Variants in ARID1A observed in about 807,000 individuals in gnomAD.
The protein encoded by ARID1A is AT-rich interaction domain 1A.
A neutral mutation model predicts 212.6 loss-of-function variants in ARID1A; 20 were observed. The observed-to-expected ratio is 0.09, with a 90% CI of 0.07 to 0.14. ARID1A has a LOEUF of 0.14. Among genes scored for constraint, ARID1A ranks in the 10% least tolerant of loss-of-function variants. ARID1A has a pLI of 1.00. For synonymous variants in ARID1A, 1,376 were observed against 1,222.1 expected, an observed-to-expected ratio of 1.13 and a Z score of -2.63; for missense variants, 2,587 against 3,059.0, an observed-to-expected ratio of 0.85 and a Z score of 3.64.
Position 26,696,136 on chromosome 1 carries a change from G to A in ARID1A, c.-268G>A. ...GGGGGGAATGAGCCGGGAGAGCCGG[G>A]TCCCGAGCCTACAGAGCCGGGAGCA... On this transcript the variant is annotated 5_prime_UTR_variant, in exon 1 of 20. Transcript: ENST00000324856. 2.1e-6 allele frequency: 1 copy of A among 484,150 alleles called. No individual in the cohort carries two copies. Among genetic ancestry groups the A allele is most frequent in the Non-Finnish European group, 2.9e-6 (1 of 339,954 alleles). 30.0% of individuals were successfully genotyped at this position (484,150 alleles called of 1,614,324 possible).
In ARID1A at chr1:26,780,187, G is replaced by C. The variant is rs1570622770; in HGVS notation, c.6289G>C (p.Ala2097Pro). The C allele has an allele frequency of 6.2e-7, 1 of 1,614,152 alleles. No individual in the cohort carries two copies. The highest frequency in any genetic ancestry group is 8.5e-7 in the Non-Finnish European group (1 of 1,180,018). ...CCTACACTGGGCAGTTTGCCCTTCA[G>C]CTGAAGCCCAGGACCCCTTTTCCAC... ...GLLHWAVCPS[A>P]EAQDPFSTLG... The change falls in exon 20 of 20, where the codon GCT becomes CCT. Residue 2097 changes from alanine (A) to proline (P), a missense_variant. This residue lies in a region of ARID1A where 168 missense variants were observed against 321.0 expected (regional missense o/e 0.52). Transcript: ENST00000324856. The surrounding 1 kb of genome is among the most constrained non-coding windows in gnomAD (Gnocchi z 7.2).
In ARID1A at chr1:26,711,881, G is replaced by A. The variant is rs530103298; in HGVS notation, c.1137+14341G>A. Among the ~76,000 whole-genome samples, 64 of 152,054 alleles carry A rather than the reference G, an allele frequency of 4.2e-4. 1 individual carries two copies. Among genetic ancestry groups the A allele is most frequent in the Middle Eastern group, 3.4e-3 (1 of 294 alleles). On this transcript the variant is annotated intron_variant, in intron 1 of 19. Coordinates refer to ENST00000324856, the MANE Select transcript of ARID1A (RefSeq NM_006015.6). ...GCGGATTGCTTGAGCCCAGGAGTTC[G>A]AGACCAGCCTGAGCAACATGGCAAA... is the stretch of plus-strand genomic sequence containing the variant.
At chr1:26,734,527 G>A (rs934723631) in intron 4 of ARID1A, among the ~76,000 whole-genome samples, 2 of 152,114 alleles carry the variant, frequency 1.3e-5, no homozygotes, top group African/African-American at 4.8e-5. Context: ...ACATTCCCAC[G>A]TTTGGGCTTT....
At chr1:26,704,885 T>C (rs1184629990) in intron 1 of ARID1A, among the ~76,000 whole-genome samples, 1 of 152,134 alleles carries the variant, frequency 6.6e-6, no homozygotes, top group African/African-American at 2.4e-5. Context: ...ATTTGTTTTT[T>C]ATTAGGTTAC....
At chr1:26,766,705 C>T (rs2081042655) in intron 10 of ARID1A, 139 bp downstream of exon 10, 1 of 885,388 alleles carries the variant, frequency 1.1e-6, no homozygotes, top group East Asian at 2.7e-5. Flanking sequence ...CTGCTGTTGC[C>T]TCCTCTTATC....
chr1:26,777,376 A>G (rs2081146430), intron 19 of ARID1A, among the ~76,000 whole-genome samples: 3 of 150,008 alleles, frequency 2.0e-5, no homozygotes, highest in Admixed American at 1.3e-4. Flanking sequence ...GCGTGCAAAC[A>G]TGCTCATGCT....
intron 4 of ARID1A, among the ~76,000 whole-genome samples, chr1:26,757,665 CA>C (rs1416439207): frequency 6.6e-6 from 1 of 151,670 alleles, no homozygotes; most frequent in African/African-American, 2.4e-5. Flanking sequence ...CAAAAATAAT[CA>C]AAACTTTTTT....
At chr1:26,705,059 T>C (rs1004173107) in intron 1 of ARID1A, among the ~76,000 whole-genome samples, 2 of 152,024 alleles carry the variant, frequency 1.3e-5, no homozygotes, top group Non-Finnish European at 2.9e-5. Flanking sequence ...TGAAGATGCA[T>C]GGCATGTCCA....
chr1:26,725,389 A>G (rs2080606484), intron 1 of ARID1A, among the ~76,000 whole-genome samples: 1 of 152,182 alleles, frequency 6.6e-6, no homozygotes, highest in Non-Finnish European at 1.5e-5. Flanking sequence ...AATCACAAAT[A>G]TTTCACGATG....
intron 4 of ARID1A, among the ~76,000 whole-genome samples, chr1:26,755,434 G>A (rs1217097639): frequency 6.6e-6 from 1 of 152,220 alleles, no homozygotes; most frequent in Non-Finnish European, 1.5e-5. Context: ...CCAGCCAGGT[G>A]GGACTACTGT....
intron 4 of ARID1A, among the ~76,000 whole-genome samples, chr1:26,739,202 T>C (rs2080763184): frequency 6.6e-6 from 1 of 152,190 alleles, no homozygotes; most frequent in South Asian, 2.1e-4. Flanking sequence ...TCTGTAACTT[T>C]TCTTACTGAG....
intron 1 of ARID1A, among the ~76,000 whole-genome samples, chr1:26,723,688 C>T (rs1006124084): frequency 1.3e-5 from 2 of 152,028 alleles, no homozygotes; most frequent in Non-Finnish European, 2.9e-5. Flanking sequence ...CAGGAAAAGC[C>T]TTTTCCTGTG....
At chr1:26,700,507 GA>G (rs2080322382) in intron 1 of ARID1A, among the ~76,000 whole-genome samples, 1 of 152,196 alleles carries the variant, frequency 6.6e-6, no homozygotes, top group African/African-American at 2.4e-5. Flanking sequence ...CGGTACTGAT[GA>G]AATAGTTTTA....
intron 19 of ARID1A, among the ~76,000 whole-genome samples, chr1:26,777,368 G>A (rs946394032): frequency 4.0e-5 from 6 of 151,166 alleles, no homozygotes; most frequent in South Asian, 4.2e-4. Context: ...CTACAGGTGC[G>A]TGCAAACATG....
intron 4 of ARID1A, among the ~76,000 whole-genome samples, chr1:26,751,216 C>T (rs911303711): frequency 1.1e-4 from 16 of 151,806 alleles, no homozygotes; most frequent in African/African-American, 3.1e-4. Context: ...GATTGCACCA[C>T]TGCACTCCAG....
intron 11 of ARID1A, among the ~76,000 whole-genome samples, chr1:26,768,816 ATGTT>A (rs1198244061): frequency 6.6e-6 from 1 of 152,160 alleles, no homozygotes; most frequent in Non-Finnish European, 1.5e-5. Context: ...CCTCCTGTGT[ATGTT>A]CTGTAGTCAC....
intron 12 of ARID1A, 193 bp from the exon 13 acceptor site, chr1:26,772,303 AAAAC>A (rs974412775): frequency 6.8e-5 from 51 of 745,860 alleles, no homozygotes; most frequent in African/African-American, 5.3e-4. Context: ...ACGTAAAACA[AAAAC>A]AAAGAGCTAC....
chr1:26,764,742 A>C (rs2081023254), intron 8 of ARID1A: 1 of 152,198 alleles, frequency 6.6e-6, no homozygotes, highest in African/African-American at 2.4e-5. Flanking sequence ...GTTGGGATTT[A>C]GCATGACAAA....
intron 1 of ARID1A, among the ~76,000 whole-genome samples, chr1:26,716,529 T>G (rs1400334321): frequency 6.6e-6 from 1 of 152,234 alleles, no homozygotes; most frequent in Non-Finnish European, 1.5e-5. Context: ...TGGTCAGTTC[T>G]GAGTCCCTTT....
Sources: gnomAD v4.1 joint callset for allele counts (sites outside exome capture counted in the v4.1 genomes callset) on GRCh38, gnomAD v4.1.1 for gene constraint, gnomAD v4.1.1 regional missense constraint, Gnocchi (gnomAD v3.1) non-coding constraint, MANE v1.5 for transcripts, NCBI Gene and HGNC (gene_info 2026-07-23, HGNC 2026-07-21) for gene names.